Variants in PHC3 observed in about 807,000 individuals in gnomAD.
PHC3 encodes the protein polyhomeotic-like protein 3.
A neutral mutation model predicts 107.4 loss-of-function variants in PHC3; 13 were observed. The ratio of observed to expected loss-of-function variants is 0.12; its 90% CI spans 0.08 to 0.19. PHC3 has a LOEUF of 0.19. Ranked by LOEUF, PHC3 falls within the 10% of genes least tolerant of loss-of-function variation. The pLI, the probability that PHC3 is intolerant of heterozygous loss-of-function variation, is 1.00. For missense variants in PHC3, 992 were observed against 1,210.9 expected (o/e 0.82, Z 2.68); for synonymous variants, 456 against 427.4 (o/e 1.07, Z -0.83).
intron 7 of PHC3, among the ~76,000 whole-genome samples, chr3:170,136,050 T>C (rs917847440): frequency 6.6e-6 from 1 of 152,176 alleles, no homozygotes; most frequent in South Asian, 2.1e-4. Context: ...GATAACAACT[T>C]TAAACAAAAT....
In PHC3 at chr3:170,128,881, G is replaced by C; in HGVS notation, c.1591C>G (p.Gln531Glu). The C allele has an allele frequency of 6.2e-7, 1 of 1,614,056 alleles. No homozygotes were observed. The highest frequency in any genetic ancestry group is 8.5e-7 in the Non-Finnish European group (1 of 1,179,888). ...TGCACTTGTAAAGACTGCATAGACT[G>C]CAAGGGCAGTGGTGGAATCTGAGCT... ...PPAQIPPLPL[Q>E]SMQSLQVQPE... Residue 531 changes from glutamine (Q) to glutamate (E), a missense_variant, in exon 8 of 15, where the codon CAG becomes GAG. By Grantham distance (29) the Gln-to-Glu change is conservative. This residue lies in a region of PHC3 where 543 missense variants were observed against 590.8 expected (regional missense o/e 0.92). Transcript: ENST00000495893.
chr3:170,104,974 G>A (rs1166555802), intron 12 of PHC3, among the ~76,000 whole-genome samples: 1 of 152,154 alleles, frequency 6.6e-6, no homozygotes, highest in African/African-American at 2.4e-5. Context: ...AAGACAGCTA[G>A]GCAGACATGT....
chr3:170,095,316 CTTATA>C lies in PHC3; in HGVS notation c.*1909_*1913del, dbSNP rs1029290827. ...GCTATCGTAGGTCTGGAACATGAGC[CTTATA>C]TTATATTACATATTCTAATCCTACA... is the stretch of plus-strand genomic sequence containing the variant. On this transcript the variant is annotated 3_prime_UTR_variant, in exon 15 of 15. Transcript: ENST00000495893. 19 of 152,008 alleles carry C rather than the reference CTTATA, an allele frequency of 1.2e-4. No individual in the cohort carries two copies. The highest frequency in any genetic ancestry group is 3.9e-4 in the African/African-American group (16 of 41,370). The allele number at this position is 152,008 out of a possible 1,614,324, so 9.4% of individuals were successfully genotyped here.
At chr3:170,133,423 C>T (rs928494706) in intron 7 of PHC3, among the ~76,000 whole-genome samples, 2 of 152,046 alleles carry the variant, frequency 1.3e-5, no homozygotes, top group African/African-American at 4.8e-5. Flanking sequence ...ATGATCTGCC[C>T]GCCTCAGCCT....
intron 4 of PHC3, among the ~76,000 whole-genome samples, chr3:170,155,937 G>A (rs1000968552): frequency 6.6e-6 from 1 of 151,974 alleles, no homozygotes; most frequent in Non-Finnish European, 1.5e-5. Context: ...ACTTTTCTAT[G>A]TAGATATTAA....
chr3:170,156,140 A>T lies in PHC3; in HGVS notation c.415-6896T>A, dbSNP rs115365704. ...TTTATTTTTATTTTATTAAGAAAAG[A>T]GATGGGGTCTACGTAGTTCAGGCTG... On this transcript the variant is annotated intron_variant, in intron 4 of 14. Transcript: ENST00000495893. 2.2e-3 allele frequency among the ~76,000 whole-genome samples: 335 copies of T among 152,312 alleles called. 2 individuals are homozygous for T. Among genetic ancestry groups the T allele is most frequent in the Non-Finnish European group, 4.2e-3 (286 of 68,020 alleles).
chr3:170,131,092 T>C (rs917456877), intron 7 of PHC3, among the ~76,000 whole-genome samples: 14 of 148,442 alleles, frequency 9.4e-5, no homozygotes, highest in Non-Finnish European at 1.8e-4. Flanking sequence ...TAACATCTGA[T>C]TAACATCCAA....
intron 10 of PHC3, among the ~76,000 whole-genome samples, chr3:170,115,329 G>A (rs566386045): frequency 2.6e-5 from 4 of 152,028 alleles, no homozygotes; most frequent in African/African-American, 9.6e-5. Context: ...AAGGAGAACT[G>A]TATGTACCAT....
intron 5 of PHC3, chr3:170,148,869 A>G: frequency 8.7e-6 from 4 of 462,018 alleles, no homozygotes; most frequent in Non-Finnish European, 1.6e-5. Context: ...TAGCTTCTCA[A>G]TGTAATAATT....
intron 4 of PHC3, among the ~76,000 whole-genome samples, chr3:170,159,392 C>A (rs1236668611): frequency 6.6e-6 from 1 of 151,336 alleles, no homozygotes; most frequent in Non-Finnish European, 1.5e-5. Flanking sequence ...TAAATAGTGG[C>A]TGAACTAAAA....
chr3:170,107,768 G>C (rs927643939), intron 11 of PHC3, among the ~76,000 whole-genome samples: 1 of 152,012 alleles, frequency 6.6e-6, no homozygotes, highest in Admixed American at 6.6e-5. Context: ...TACTAAGTTA[G>C]AATGTCCTTC....
chr3:170,120,582 A>C (rs1429800286), intron 9 of PHC3, among the ~76,000 whole-genome samples: 7 of 152,170 alleles, frequency 4.6e-5, no homozygotes, highest in Admixed American at 2.0e-4. Flanking sequence ...CAAAAAAAAA[A>C]ACAATAATAT....
chr3:170,163,592 G>C (rs1728258301), intron 4 of PHC3, among the ~76,000 whole-genome samples: 1 of 151,930 alleles, frequency 6.6e-6, no homozygotes, highest in African/African-American at 2.4e-5. Context: ...GCCGGGCACG[G>C]TGGCTCACAC....
At chr3:170,162,693 T>C (rs1240501419) in intron 4 of PHC3, among the ~76,000 whole-genome samples, 4 of 152,160 alleles carry the variant, frequency 2.6e-5, no homozygotes, top group Non-Finnish European at 4.4e-5. Flanking sequence ...AAAAACCAAT[T>C]TGAGATCATG....
At chr3:170,171,924 T>G (rs1038786235) in intron 3 of PHC3, among the ~76,000 whole-genome samples, 10 of 152,364 alleles carry the variant, frequency 6.6e-5, no homozygotes, top group Non-Finnish European at 1.5e-4. Flanking sequence ...TGAGGGGATT[T>G]AAGATTAAAT....
intron 5 of PHC3, chr3:170,147,629 G>C (rs1346535564): frequency 2.0e-5 from 3 of 152,136 alleles, no homozygotes; most frequent in Non-Finnish European, 4.4e-5. Context: ...TATATGTAAA[G>C]ACGATGTAAA....
chr3:170,110,577 G>C (rs1028088437), intron 11 of PHC3, among the ~76,000 whole-genome samples: 2 of 152,152 alleles, frequency 1.3e-5, no homozygotes, highest in Admixed American at 1.3e-4. Context: ...ATATAATTCA[G>C]TGTGACTATA....
Position 170,149,341 on chromosome 3 carries a change from A to C in PHC3, c.415-97T>G, listed in dbSNP as rs1725523034. On this transcript the variant is annotated intron_variant, in intron 4 of 14. Coordinates refer to ENST00000495893, the MANE Select transcript of PHC3 (RefSeq NM_024947.4). ...TGCAGTTAGGCAATCAATGGTATAA[A>C]CTGTGGCTAAGGAACCCAAAGGAGA... 1.2e-5 allele frequency: 15 copies of C among 1,236,100 alleles called. No individual in the cohort carries two copies. In the East Asian group the frequency reaches 3.7e-4, roughly 31 times the overall value. The allele number at this position is 1,236,100 out of a possible 1,614,324, so 76.6% of individuals were successfully genotyped here.
chr3:170,171,067 T>A, intron 4 of PHC3: 1 of 416,530 alleles, frequency 2.4e-6, no homozygotes, highest in Non-Finnish European at 4.2e-6. Context: ...ATGGCCAATA[T>A]CCCTGCATTG....
Sources: gnomAD v4.1 joint callset for allele counts (sites outside exome capture counted in the v4.1 genomes callset) on GRCh38, gnomAD v4.1.1 for gene constraint, gnomAD v4.1.1 regional missense constraint, MANE v1.5 for transcripts, NCBI Gene and HGNC (gene_info 2026-07-23, HGNC 2026-07-21) for gene names.